Variants in TENM2 observed in about 807,000 individuals in gnomAD.
TENM2 encodes the protein teneurin-2.
A neutral mutation model predicts 245.2 loss-of-function variants in TENM2; 52 were observed. The ratio of observed to expected loss-of-function variants is 0.21; its 90% CI spans 0.17 to 0.27. TENM2 has a LOEUF of 0.27. TENM2 is among the 10% of genes least tolerant of loss of function. The pLI is 1.00. For synonymous variants in TENM2, 1,363 were observed against 1,438.9 expected (o/e 0.95, Z 1.19); for missense variants, 3,046 against 3,666.8 (o/e 0.83, Z 4.37).
chr5:168,134,886 CT>C (rs1754911019), intron 12 of TENM2, among the ~76,000 whole-genome samples: 1 of 152,310 alleles, frequency 6.6e-6, no homozygotes, highest in East Asian at 1.9e-4. Flanking sequence ...GGAATGGAAC[CT>C]GCTTATTTTA....
At chr5:167,581,871 T>C in intron 2 of TENM2, among the ~76,000 whole-genome samples, 1 of 152,060 alleles carries the variant, frequency 6.6e-6, no homozygotes, top group Non-Finnish European at 1.5e-5. Context: ...ATTATTTTCA[T>C]GTTGAATTTT....
chr5:167,233,775 GAAT>G, the TENM2 span, among the ~76,000 whole-genome samples: 1 of 152,140 alleles, frequency 6.6e-6, no homozygotes, highest in Non-Finnish European at 1.5e-5. Context: ...CTGAAATCTA[GAAT>G]CAGTGAGTAT....
intron 7 of TENM2, among the ~76,000 whole-genome samples, chr5:168,065,953 C>G (rs1456345181): frequency 1.3e-5 from 2 of 151,904 alleles, no homozygotes; most frequent in Admixed American, 1.3e-4. Flanking sequence ...TTTACAACGC[C>G]TGGAAATAGT....
intron 3 of TENM2, among the ~76,000 whole-genome samples, chr5:167,929,130 A>AAAGAAAG (rs1778081477): frequency 7.6e-6 from 1 of 131,536 alleles, no homozygotes; most frequent in Non-Finnish European, 1.7e-5. Context: ...AGAAAGAAAG[A>AAAGAAAG]AAAGAAAGAA....
chr5:167,095,178 G>C, the TENM2 span, among the ~76,000 whole-genome samples: 1 of 152,164 alleles, frequency 6.6e-6, no homozygotes. Context: ...GAGAAATTAA[G>C]CACATACATG....
At chr5:167,839,715 C>A (rs1027677324) in intron 2 of TENM2, among the ~76,000 whole-genome samples, 1 of 152,132 alleles carries the variant, frequency 6.6e-6, no homozygotes, top group African/African-American at 2.4e-5. Flanking sequence ...TTTGCAGTTT[C>A]TCTAAGGAAG....
chr5:167,261,169 A>G, the TENM2 span, among the ~76,000 whole-genome samples: 1 of 152,106 alleles, frequency 6.6e-6, no homozygotes, highest in African/African-American at 2.4e-5. Context: ...CTACTTTAAC[A>G]CAATCCCCAG....
chr5:167,005,167 G>A, the TENM2 span, among the ~76,000 whole-genome samples: 1 of 152,092 alleles, frequency 6.6e-6, no homozygotes, highest in African/African-American at 2.4e-5. Flanking sequence ...GGATTCGAGC[G>A]AGGGCTTTCT....
intron 2 of TENM2, among the ~76,000 whole-genome samples, chr5:167,624,860 G>T (rs535130881): frequency 1.3e-5 from 2 of 152,242 alleles, no homozygotes; most frequent in Admixed American, 1.3e-4. Flanking sequence ...AAACACTTAG[G>T]TGAAGTGTTT....
At chr5:167,331,474 AC>A (rs2127791385) in intron 1 of TENM2, among the ~76,000 whole-genome samples, 1 of 152,280 alleles carries the variant, frequency 6.6e-6, no homozygotes, top group South Asian at 2.1e-4. Flanking sequence ...GCATGAATGT[AC>A]CTACAGAAGT....
chr5:168,237,134 G>A (rs373504791), intron 25 of TENM2, among the ~76,000 whole-genome samples: 3 of 138,704 alleles, frequency 2.2e-5, no homozygotes, highest in East Asian at 4.7e-4. Flanking sequence ...TCCTGCCTCA[G>A]CCTCCCAAGT....
chr5:167,034,783 T>G, the TENM2 span, among the ~76,000 whole-genome samples: 5 of 152,080 alleles, frequency 3.3e-5, no homozygotes, highest in African/African-American at 1.2e-4. Flanking sequence ...AAGTCATGGG[T>G]GGGTTACCCT....
chr5:167,960,268 G>GT (rs1229465844), intron 4 of TENM2, among the ~76,000 whole-genome samples: 3 of 152,256 alleles, frequency 2.0e-5, no homozygotes, highest in Non-Finnish European at 4.4e-5. Flanking sequence ...GGGTGGGAAT[G>GT]TTTAAGTCTG....
At chr5:166,988,137 C>G in the TENM2 span, among the ~76,000 whole-genome samples, 1 of 152,178 alleles carries the variant, frequency 6.6e-6, no homozygotes, top group African/African-American at 2.4e-5. Flanking sequence ...TAGACTTGGC[C>G]AGGCAGCTCT....
At chr5:167,482,877 T>C (rs1353896290) in intron 2 of TENM2, among the ~76,000 whole-genome samples, 1 of 152,182 alleles carries the variant, frequency 6.6e-6, no homozygotes, top group African/African-American at 2.4e-5. Flanking sequence ...AGCAATATAA[T>C]AAAGTAGAAA....
chr5:167,243,118 A>T, the TENM2 span, among the ~76,000 whole-genome samples: 1 of 152,098 alleles, frequency 6.6e-6, no homozygotes, highest in Non-Finnish European at 1.5e-5. Flanking sequence ...CGCATCTTAC[A>T]GCTTCTAGAG....
chr5:167,344,000 T>C (rs1758287025), intron 1 of TENM2, among the ~76,000 whole-genome samples: 1 of 151,604 alleles, frequency 6.6e-6, no homozygotes, highest in African/African-American at 2.4e-5. Context: ...TAATTTTGAA[T>C]AAAATGACTT....
intron 6 of TENM2, among the ~76,000 whole-genome samples, chr5:168,051,484 CTG>C (rs1375222610): frequency 1.3e-5 from 2 of 152,196 alleles, no homozygotes; most frequent in African/African-American, 4.8e-5. Context: ...GATGGCCACT[CTG>C]TATCATTGCC....
chr5:167,004,557 C>A, the TENM2 span, among the ~76,000 whole-genome samples: 1 of 152,240 alleles, frequency 6.6e-6, no homozygotes, highest in African/African-American at 2.4e-5. Context: ...AAATTCAGGT[C>A]ATATTTGCTA....
Sources: gnomAD v4.1 joint callset for allele counts (sites outside exome capture counted in the v4.1 genomes callset) on GRCh38, gnomAD v4.1.1 for gene constraint, MANE v1.5 for transcripts, NCBI Gene and HGNC (gene_info 2026-07-23, HGNC 2026-07-21) for gene names.